SULF1: variants seen among roughly 807,000 people sequenced by gnomAD.
SULF1 encodes sulfatase 1.
A neutral mutation model predicts 110.5 loss-of-function variants in SULF1; 46 were observed. The ratio of observed to expected loss-of-function variants is 0.42; its 90% confidence interval spans 0.33 to 0.53. The LOEUF (loss-of-function observed/expected upper bound fraction) is 0.53, where lower values mean the gene tolerates loss of function less well. SULF1 is among the 20% of genes least tolerant of loss of function. The pLI is 0.12. For missense variants in SULF1, 941 were observed against 1,094.2 expected, an observed-to-expected ratio of 0.86 and a Z score of 1.98; for synonymous variants, 371 against 387.1, an observed-to-expected ratio of 0.96 and a Z score of 0.49.
Position 69,575,906 on chromosome 8 carries a change from C to A in SULF1, c.173-64C>A. 2.5e-6 allele frequency: 4 copies of A among 1,569,590 alleles called. No homozygotes were observed. In the Admixed American group the frequency reaches 7.0e-5, roughly 28 times the overall value. ...TCAGGGAAACAGAGGCACTGAGGGGCACAATCGAAATAGGCATTCATGTGC... is the reference window on the plus strand; with the variant it reads ...TCAGGGAAACAGAGGCACTGAGGGGAACAATCGAAATAGGCATTCATGTGC... On this transcript the variant is annotated intron_variant, in intron 5 of 22. Coordinates refer to ENST00000402687, the MANE Select transcript of SULF1 (RefSeq NM_001128205.2).
At chr8:69,478,351 G>A (rs1033518050) in intron 1 of SULF1, among the ~76,000 whole-genome samples, 2 of 152,014 alleles carry the variant, frequency 1.3e-5, no homozygotes, top group Non-Finnish European at 2.9e-5. Flanking sequence ...TAAAACACCT[G>A]TCTCCCAATT....
chr8:69,532,890 C>T (rs1241410543), intron 3 of SULF1, among the ~76,000 whole-genome samples: 1 of 152,146 alleles, frequency 6.6e-6, no homozygotes, highest in Non-Finnish European at 1.5e-5. Context: ...ATGAATTTGA[C>T]TATTCTAGGT....
chr8:69,611,333 C>T (rs1437850208), intron 13 of SULF1, among the ~76,000 whole-genome samples: 6 of 152,244 alleles, frequency 3.9e-5, no homozygotes, highest in Non-Finnish European at 7.3e-5. Flanking sequence ...CATCTTCCAA[C>T]ATTCCAGTGT....
At chr8:69,650,705 C>T (rs1286844624) in intron 22 of SULF1, among the ~76,000 whole-genome samples, 1 of 152,212 alleles carries the variant, frequency 6.6e-6, no homozygotes, top group Non-Finnish European at 1.5e-5. Flanking sequence ...TATTCTCTTG[C>T]TATCATTATT....
chr8:69,601,520 G>A, intron 9 of SULF1, 134 bp from the exon 10 acceptor site: 1 of 691,734 alleles, frequency 1.4e-6, no homozygotes, highest in East Asian at 3.0e-5. Flanking sequence ...AGAAAATGTG[G>A]ATAATGTTAT....
In SULF1 at chr8:69,658,719, TAAGACTC is replaced by T; in HGVS notation, c.*187_*193del. On this transcript the variant is annotated 3_prime_UTR_variant, in exon 23 of 23. Coordinates refer to ENST00000402687, the MANE Select transcript of SULF1 (RefSeq NM_001128205.2). ...GTCACTATGAGCAAAATAAAACAAATAAGACTCAAACTGCTCAAAGTGACGGGTTCTT... is the reference window on the plus strand; with the variant it reads ...GTCACTATGAGCAAAATAAAACAAATAAACTGCTCAAAGTGACGGGTTCTT... 2 of 691,278 alleles carry T rather than the reference TAAGACTC, an allele frequency of 2.9e-6. No homozygotes were observed. The highest frequency in any genetic ancestry group is 5.3e-6 in the Non-Finnish European group (2 of 377,496). The allele number at this position is 691,278 out of a possible 1,614,324, so 42.8% of individuals were successfully genotyped here.
At chr8:69,526,790 C>CAAGA (rs374211787) in intron 3 of SULF1, among the ~76,000 whole-genome samples, 7 of 79,646 alleles carry the variant, frequency 8.8e-5, no homozygotes, top group Admixed American at 8.6e-4. Flanking sequence ...GACCCTGTGT[C>CAAGA]AAGAAAGAAA....
At chr8:69,483,178 C>G (rs942755991) in intron 1 of SULF1, among the ~76,000 whole-genome samples, 7 of 152,090 alleles carry the variant, frequency 4.6e-5, no homozygotes, top group Admixed American at 3.3e-4. Flanking sequence ...TCCAAGGAGA[C>G]CAAGGGAACG....
At chr8:69,633,938 C>T (rs140099522) in intron 19 of SULF1, among the ~76,000 whole-genome samples, 61 of 152,042 alleles carry the variant, frequency 4.0e-4, no homozygotes, top group Middle Eastern at 6.8e-3. Context: ...CCCATTTAAA[C>T]GGTTAATTTG....
intron 3 of SULF1, among the ~76,000 whole-genome samples, chr8:69,528,341 G>A (rs763762049): frequency 6.6e-6 from 1 of 152,156 alleles, no homozygotes; most frequent in African/African-American, 2.4e-5. Flanking sequence ...GGATGGGTTT[G>A]AGTTAATAAT....
chr8:69,565,807 C>T (rs1484078082), intron 5 of SULF1, among the ~76,000 whole-genome samples: 1 of 152,196 alleles, frequency 6.6e-6, no homozygotes, highest in Non-Finnish European at 1.5e-5. Flanking sequence ...GTCCCCAAGG[C>T]TGTTTCCCTT....
At chr8:69,653,060 A>C (rs1812468661) in intron 22 of SULF1, among the ~76,000 whole-genome samples, 1 of 152,126 alleles carries the variant, frequency 6.6e-6, no homozygotes, top group South Asian at 2.1e-4. Flanking sequence ...TGAGGTCTGC[A>C]AAGTAGTCTC....
Position 69,624,191 on chromosome 8 carries a change from C to T in SULF1, c.1844C>T (p.Thr615Ile). ...GGCCCACCTACCACTGTCCGAGTGA[C>T]ACACAAGTAAGAAAGCTTTATTTGT... is the stretch of plus-strand genomic sequence containing the variant. ...AVGPPTTVRV[T>I]HKCFILPNDS... The change falls in exon 15 of 23, where the codon ACA (threonine) becomes ATA (isoleucine). Residue 615 changes from threonine (T) to isoleucine (I), a missense_variant. Thr to Ile is a moderately conservative substitution (Grantham distance 89). This residue lies in a region of SULF1 where 822 missense variants were observed against 934.3 expected (regional missense o/e 0.88). Coordinates refer to ENST00000402687, the MANE Select transcript of SULF1 (RefSeq NM_001128205.2). 6.4e-7 allele frequency: 1 copy of T among 1,574,442 alleles called. No individual in the cohort carries two copies. The highest frequency in any genetic ancestry group is 1.2e-5 in the South Asian group (1 of 85,216).
intron 3 of SULF1, among the ~76,000 whole-genome samples, chr8:69,510,287 G>A (rs1372115375): frequency 6.6e-6 from 1 of 152,206 alleles, no homozygotes; most frequent in Non-Finnish European, 1.5e-5. Flanking sequence ...AGAGACCCAT[G>A]AGAGAAGTAT....
At chr8:69,607,963 G>A (rs1041217139) in intron 13 of SULF1, among the ~76,000 whole-genome samples, 1 of 152,106 alleles carries the variant, frequency 6.6e-6, no homozygotes, top group Admixed American at 6.6e-5. Flanking sequence ...ACTCCATGGG[G>A]AACAAAGGGA....
chr8:69,627,522 G>C (rs1810188030), intron 16 of SULF1, among the ~76,000 whole-genome samples: 1 of 152,192 alleles, frequency 6.6e-6, no homozygotes, highest in Non-Finnish European at 1.5e-5. Flanking sequence ...CTGACTCAAT[G>C]GTCTTTTGAA....
intron 13 of SULF1, among the ~76,000 whole-genome samples, chr8:69,619,705 C>T (rs975803845): frequency 6.6e-6 from 1 of 152,224 alleles, no homozygotes; most frequent in East Asian, 1.9e-4. Context: ...GTTCCCTGAT[C>T]CCCTTCACAG....
At chr8:69,624,316 G>A in intron 15 of SULF1, 119 bp downstream of exon 15, 1 of 1,361,126 alleles carries the variant, frequency 7.3e-7, no homozygotes, top group Non-Finnish European at 9.9e-7. Context: ...CAGTGCCTGA[G>A]GGCTGGCCTA....
intron 3 of SULF1, among the ~76,000 whole-genome samples, chr8:69,531,625 C>T (rs1272522500): frequency 1.3e-5 from 2 of 152,212 alleles, no homozygotes; most frequent in Non-Finnish European, 2.9e-5. Context: ...GTTGTGATGA[C>T]AGTAATTAAT....
Sources: gnomAD v4.1 joint callset for allele counts (sites outside exome capture counted in the v4.1 genomes callset) on GRCh38, gnomAD v4.1.1 for gene constraint, gnomAD v4.1.1 regional missense constraint, MANE v1.5 for transcripts, NCBI Gene and HGNC (gene_info 2026-07-23, HGNC 2026-07-21) for gene names.